Variants in DLEU7 observed in about 807,000 individuals in gnomAD.
DLEU7 encodes deleted in lymphocytic leukemia 7.
In DLEU7, 17 loss-of-function variants were observed where a neutral mutation model predicts 16.0. The observed-to-expected ratio is 1.06, with a 90% CI of 0.73 to 1.59. The LOEUF (loss-of-function observed/expected upper bound fraction) is 1.59. DLEU7 is among the 40% of genes most tolerant of loss of function. The pLI is 0.00. For synonymous variants in DLEU7, 113 were observed against 139.8 expected, an observed-to-expected ratio of 0.81 and a Z score of 1.35; for missense variants, 308 against 314.9, an observed-to-expected ratio of 0.98 and a Z score of 0.17.
intron 1 of DLEU7, among the ~76,000 whole-genome samples, chr13:50,801,847 A>G (rs776581526): frequency 3.3e-5 from 5 of 152,138 alleles, no homozygotes; most frequent in Middle Eastern, 3.2e-3. Context: ...TCAATTGCCA[A>G]TAGATTTATT....
At chr13:50,786,086 C>T (rs936946304) in intron 1 of DLEU7, among the ~76,000 whole-genome samples, 3 of 152,136 alleles carry the variant, frequency 2.0e-5, no homozygotes, top group Admixed American at 6.5e-5. Context: ...AGGAGACTTT[C>T]GTGTGACATC....
chr13:50,754,302 C>CT (rs1874685258), intron 1 of DLEU7, among the ~76,000 whole-genome samples: 1 of 152,056 alleles, frequency 6.6e-6, no homozygotes, highest in South Asian at 2.1e-4. Flanking sequence ...GTGTTGCTGT[C>CT]TATCTCATTT....
Position 50,843,274 on chromosome 13 carries a change from C to G in DLEU7, c.373G>C (p.Val125Leu). Reference protein sequence around the residue: ...MAMRSALARVVDSTSELVSVE... With the variant: ...MAMRSALARVLDSTSELVSVE... ...CTGACCAGCTCCGAAGTCGAGTCCACCACGCGGGCCAGCGCGCTGCGCATC... is the reference window on the plus strand; with the variant it reads ...CTGACCAGCTCCGAAGTCGAGTCCAGCACGCGGGCCAGCGCGCTGCGCATC... Residue 125 changes from valine (V) to leucine (L), a missense_variant, in exon 1 of 2, where the codon GTG becomes CTG. By Grantham distance (32) the Val-to-Leu change is conservative. Coordinates refer to ENST00000504404, the MANE Select transcript of DLEU7 (RefSeq NM_001306135.2). The surrounding 1 kb of genome is among the most constrained non-coding windows in gnomAD (Gnocchi z 5.7). The G allele has an allele frequency of 1.3e-6, 2 of 1,586,742 alleles. No individual in the cohort carries two copies. Among genetic ancestry groups the G allele is most frequent in the Non-Finnish European group, 1.7e-6 (2 of 1,166,706 alleles).
At chr13:50,758,386 A>T (rs1053347346) in intron 1 of DLEU7, among the ~76,000 whole-genome samples, 3 of 115,074 alleles carry the variant, frequency 2.6e-5, no homozygotes, top group African/African-American at 1.2e-4. Context: ...CTCTTGTATT[A>T]GTTATCCACT....
rs960845264 is a variant in DLEU7 at position 50,793,624 on chromosome 13, C to A, written c.459+49564G>T. ...TAGTGATGATGACCATTTTTTCTTA[C>A]GTTTGCTGGCTGCTTGTAGGTCTTC... On this transcript the variant is annotated intron_variant, in intron 1 of 1. Transcript: ENST00000400393. 2.0e-5 allele frequency among the ~76,000 whole-genome samples: 3 copies of A among 152,086 alleles called. No individual in the cohort carries two copies. In the East Asian group the frequency reaches 5.8e-4, roughly 29 times the overall value.
intron 1 of DLEU7, among the ~76,000 whole-genome samples, chr13:50,795,378 A>C (rs1255395215): frequency 6.6e-6 from 1 of 151,966 alleles, no homozygotes; most frequent in Non-Finnish European, 1.5e-5. Flanking sequence ...TATCTCACCT[A>C]CTCTCTCAGG....
intron 1 of DLEU7, among the ~76,000 whole-genome samples, chr13:50,738,735 T>A (rs1318095204): frequency 6.6e-6 from 1 of 152,088 alleles, no homozygotes; most frequent in East Asian, 1.9e-4. Context: ...TGATACAAGA[T>A]GAATATCATG....
chr13:50,822,115 G>T (rs1876926663), downstream of DLEU7, among the ~76,000 whole-genome samples: 1 of 151,922 alleles, frequency 6.6e-6, no homozygotes, highest in South Asian at 2.1e-4. Context: ...CTTTCCCTTA[G>T]AATTCAGTAT....
At chr13:50,810,511 A>C (rs1434770486) in intron 1 of DLEU7, among the ~76,000 whole-genome samples, 1 of 152,202 alleles carries the variant, frequency 6.6e-6, no homozygotes, top group African/African-American at 2.4e-5. Flanking sequence ...CCTCAAAATA[A>C]AGGATAAAGC....
intron 1 of DLEU7, among the ~76,000 whole-genome samples, chr13:50,773,077 A>G (rs548475799): frequency 5.9e-5 from 9 of 152,126 alleles, no homozygotes; most frequent in African/African-American, 9.7e-5. Flanking sequence ...AAACTTGTGC[A>G]TGCGTCACGT....
Position 50,802,952 on chromosome 13 carries a change from A to G in DLEU7, c.459+40236T>C, listed in dbSNP as rs375054852. On this transcript the variant is annotated intron_variant, in intron 1 of 1. Transcript: ENST00000400393. ...TTATTACATAATATATTTTCTTATT[A>G]GTTTTTATCACACGGCACTTCATTG... is the stretch of plus-strand genomic sequence containing the variant. 2.0e-4 allele frequency among the ~76,000 whole-genome samples: 31 copies of G among 152,272 alleles called. 1 individual carries two copies. In the East Asian group the frequency reaches 5.4e-3, roughly 27 times the overall value.
chr13:50,784,141 T>C lies in DLEU7; in HGVS notation c.459+59047A>G, dbSNP rs9568475. Among the ~76,000 whole-genome samples the C allele has an allele frequency of 1.9e-3, 296 of 152,336 alleles. 3 individuals carry two copies. In the East Asian group the frequency reaches 0.033, roughly 17 times the overall value. On this transcript the variant is annotated intron_variant, in intron 1 of 1. Coordinates refer to the DLEU7 transcript ENST00000400393. ...TAATCAAACGTCCACTTGAAGTGCT[T>C]TGGAAGCACTTCTGCTTTTTGGGTT...
chr13:50,809,509 A>C (rs1200673274), intron 1 of DLEU7, among the ~76,000 whole-genome samples: 1 of 152,110 alleles, frequency 6.6e-6, no homozygotes, highest in Non-Finnish European at 1.5e-5. Context: ...GTCTCAGAGG[A>C]GTGAGAATTC....
intron 1 of DLEU7, among the ~76,000 whole-genome samples, chr13:50,790,565 T>C (rs900967300): frequency 2.0e-5 from 3 of 152,084 alleles, no homozygotes; most frequent in Non-Finnish European, 2.9e-5. Flanking sequence ...TGAGGAATCC[T>C]CGGTCTCTCA....
intron 1 of DLEU7, among the ~76,000 whole-genome samples, chr13:50,811,453 G>A (rs1876563906): frequency 6.6e-6 from 1 of 152,090 alleles, no homozygotes; most frequent in Non-Finnish European, 1.5e-5. Flanking sequence ...AAATAGACAT[G>A]CGTAAAATTG....
At position 50,814,761 on chromosome 13, in the gene DLEU7, A is replaced by AGTGT. The variant is rs10670911; in HGVS notation, c.459+28423_459+28426dup. On this transcript the variant is annotated intron_variant, in intron 1 of 1. Coordinates refer to the DLEU7 transcript ENST00000400393. ...ATCAGTTTTTACATGTATTCATGTGAGTGTGTGTGTGTGTGTGTGTGTGTG... is the reference window on the plus strand; with the variant it reads ...ATCAGTTTTTACATGTATTCATGTGAGTGTGTGTGTGTGTGTGTGTGTGTGTGTG... 6.3e-3 allele frequency among the ~76,000 whole-genome samples: 875 copies of AGTGT among 138,584 alleles called. 9 individuals carry two copies. The highest frequency in any genetic ancestry group is 9.7e-3 in the African/African-American group (360 of 37,296). The allele number at this position is 138,584 out of a possible 152,430, so 90.9% of individuals were successfully genotyped here. A position where few individuals can be genotyped will look rare whatever the true frequency, so the allele number is the denominator to read the frequency against.
chr13:50,723,673 G>T (rs1007172675), intron 1 of DLEU7, among the ~76,000 whole-genome samples: 9 of 151,658 alleles, frequency 5.9e-5, no homozygotes, highest in African/African-American at 2.2e-4. Flanking sequence ...TTTTTATAAG[G>T]GCACTAATCA....
chr13:50,763,137 G>A (rs1874987507), intron 1 of DLEU7, among the ~76,000 whole-genome samples: 1 of 152,292 alleles, frequency 6.6e-6, no homozygotes, highest in Non-Finnish European at 1.5e-5. Context: ...GTGAGATGCA[G>A]AGGGGTGTGA....
intron 1 of DLEU7, among the ~76,000 whole-genome samples, chr13:50,800,497 C>T (rs897104746): frequency 6.6e-6 from 1 of 152,040 alleles, no homozygotes; most frequent in East Asian, 1.9e-4. Flanking sequence ...TTGCTAATTG[C>T]TACCTATACC....
Sources: allele counts gnomAD v4.1 joint callset (sites outside exome capture counted in the v4.1 genomes callset), GRCh38; gene constraint gnomAD v4.1.1; non-coding constraint Gnocchi (gnomAD v3.1); transcripts MANE v1.5; gene names NCBI Gene and HGNC (gene_info 2026-07-23, HGNC 2026-07-21).